The following SNAP91 variants were observed in gnomAD, a reference collection of about 807,000 sequenced individuals.
The protein encoded by SNAP91 is synaptosome associated protein 91.
In SNAP91, 27 loss-of-function variants were observed where a neutral mutation model predicts 100.3. The observed-to-expected ratio is 0.27, with a 90% confidence interval of 0.20 to 0.37. The LOEUF is 0.37. Ranked by LOEUF, SNAP91 falls within the 10% of genes least tolerant of loss-of-function variation. The probability of loss-of-function intolerance (pLI) is 1.00; values close to 1 mark genes in which losing one functional copy is unlikely to be tolerated. For missense variants in SNAP91, 986 were observed against 1,123.7 expected, an observed-to-expected ratio of 0.88 and a Z score of 1.75; for synonymous variants, 404 against 398.6, an observed-to-expected ratio of 1.01 and a Z score of -0.16.
intron 2 of SNAP91, chr6:83,690,558 C>A: frequency 2.5e-6 from 1 of 401,876 alleles, no homozygotes; most frequent in Non-Finnish European, 4.4e-6. Context: ...ACTAACGTAC[C>A]TCTAAAGAAA....
intron 7 of SNAP91, among the ~76,000 whole-genome samples, chr6:83,655,503 G>T (rs1308437856): frequency 6.6e-6 from 1 of 152,210 alleles, no homozygotes; most frequent in Non-Finnish European, 1.5e-5. Flanking sequence ...GTGCTTTGGA[G>T]TAGGGCTATG....
chr6:83,649,831 T>G (rs1382890469), intron 7 of SNAP91, among the ~76,000 whole-genome samples: 1 of 151,886 alleles, frequency 6.6e-6, no homozygotes, highest in Non-Finnish European at 1.5e-5. Flanking sequence ...TCAAGTGATC[T>G]GCCCACCTTG....
At chr6:83,630,195 T>G (rs1053333478) in intron 8 of SNAP91, among the ~76,000 whole-genome samples, 1 of 152,150 alleles carries the variant, frequency 6.6e-6, no homozygotes, top group Non-Finnish European at 1.5e-5. Flanking sequence ...ATCCCTGGTA[T>G]GAAACCCTTG....
At chr6:83,639,651 T>A (rs901787846) in intron 8 of SNAP91, among the ~76,000 whole-genome samples, 1 of 151,914 alleles carries the variant, frequency 6.6e-6, no homozygotes, top group East Asian at 1.9e-4. Flanking sequence ...ACAGAAGGAA[T>A]TGACACATAA....
chr6:83,667,301 AT>A (rs1180464683), intron 2 of SNAP91, among the ~76,000 whole-genome samples: 1 of 151,620 alleles, frequency 6.6e-6, no homozygotes, highest in African/African-American at 2.4e-5. Flanking sequence ...AATATTCACA[AT>A]TTTCTGAAAA....
chr6:83,656,280 T>C (rs1207822789), intron 7 of SNAP91, among the ~76,000 whole-genome samples: 3 of 152,198 alleles, frequency 2.0e-5, no homozygotes, highest in Non-Finnish European at 4.4e-5. Flanking sequence ...AAAAAGGCTC[T>C]TTCTAATCAG....
intron 2 of SNAP91, among the ~76,000 whole-genome samples, chr6:83,677,206 G>A (rs773267377): frequency 2.6e-4 from 39 of 152,166 alleles, no homozygotes; most frequent in Non-Finnish European, 4.1e-4. Flanking sequence ...CCAAAGGGAT[G>A]TCTACTTTCT....
intron 28 of SNAP91, among the ~76,000 whole-genome samples, chr6:83,556,473 T>C (rs1463047701): frequency 6.6e-6 from 1 of 151,802 alleles, no homozygotes; most frequent in East Asian, 1.9e-4. Flanking sequence ...TGAAATCTAC[T>C]TGTTCTACAT....
At chr6:83,647,650 T>C (rs1032872276) in intron 7 of SNAP91, among the ~76,000 whole-genome samples, 11 of 152,156 alleles carry the variant, frequency 7.2e-5, no homozygotes, top group Non-Finnish European at 1.6e-4. Flanking sequence ...TTTCCTTTTC[T>C]TTTTTAATTT....
At chr6:83,687,744 T>TA (rs1333306745) in intron 2 of SNAP91, among the ~76,000 whole-genome samples, 1 of 152,118 alleles carries the variant, frequency 6.6e-6, no homozygotes, top group Non-Finnish European at 1.5e-5. Context: ...GTCGTCCTGG[T>TA]AAGAGATGAT....
At chr6:83,669,270 A>G (rs954141270) in intron 2 of SNAP91, among the ~76,000 whole-genome samples, 7 of 152,124 alleles carry the variant, frequency 4.6e-5, no homozygotes, top group East Asian at 1.9e-4. Flanking sequence ...TAGTTATTAT[A>G]TAAGTTTCTA....
intron 2 of SNAP91, among the ~76,000 whole-genome samples, chr6:83,667,020 C>A: frequency 6.6e-6 from 1 of 152,052 alleles, no homozygotes; most frequent in East Asian, 1.9e-4. Context: ...ATTTATTGAG[C>A]AAAATGTATA....
intron 2 of SNAP91, among the ~76,000 whole-genome samples, chr6:83,671,592 T>C (rs1414393458): frequency 3.9e-5 from 6 of 152,056 alleles, no homozygotes; most frequent in Non-Finnish European, 7.4e-5. Context: ...TATCAGTCTC[T>C]CTTTTTGGTA....
chr6:83,610,380 C>T (rs539841134), intron 12 of SNAP91, among the ~76,000 whole-genome samples: 1 of 151,418 alleles, frequency 6.6e-6, no homozygotes, highest in Non-Finnish European at 1.5e-5. Context: ...TATGCGCTCA[C>T]ATATATGAGG....
chr6:83,707,536 C>CGTGT (rs70987765), intron 2 of SNAP91, among the ~76,000 whole-genome samples: 5,213 of 148,998 alleles, frequency 0.035, 155 homozygotes, highest in African/African-American at 0.084. Context: ...TATACATATG[C>CGTGT]GTGTGTGTGT....
intron 24 of SNAP91, among the ~76,000 whole-genome samples, chr6:83,579,390 T>C (rs2128110149): frequency 6.6e-6 from 1 of 152,232 alleles, no homozygotes; most frequent in East Asian, 1.9e-4. Context: ...TAGGAGGAAA[T>C]ATTCAAATAA....
chr6:83,631,197 TGA>T (rs1366661947), intron 8 of SNAP91, among the ~76,000 whole-genome samples: 3 of 152,178 alleles, frequency 2.0e-5, no homozygotes, highest in African/African-American at 7.2e-5. Context: ...CACTGTGGTC[TGA>T]GAGAGTGCTT....
Position 83,553,419 on chromosome 6 carries a change from T to C in SNAP91, c.*877A>G, listed in dbSNP as rs1253094263. On this transcript the variant is annotated 3_prime_UTR_variant, in exon 30 of 30. Coordinates refer to ENST00000369694, the MANE Select transcript of SNAP91 (RefSeq NM_001242792.2). ...AGTAAAGTAAAGATATTTGCAGTAA[T>C]CTTTAAATTACAGATATACCTTGGG... The C allele has an allele frequency of 6.6e-6, 1 of 152,154 alleles. No individual in the cohort carries two copies. Among genetic ancestry groups the C allele is most frequent in the Admixed American group, 6.6e-5 (1 of 15,264 alleles). The allele number at this position is 152,154 out of a possible 1,614,324, so 9.4% of individuals were successfully genotyped here.
intron 16 of SNAP91, among the ~76,000 whole-genome samples, chr6:83,600,494 T>C (rs1057308856): frequency 1.3e-5 from 2 of 152,184 alleles, no homozygotes; most frequent in African/African-American, 4.8e-5. Context: ...GTGTTTGATA[T>C]GAGAACTTCT....
Sources: gnomAD v4.1 joint callset for allele counts (sites outside exome capture counted in the v4.1 genomes callset) on GRCh38, gnomAD v4.1.1 for gene constraint, MANE v1.5 for transcripts, NCBI Gene and HGNC (gene_info 2026-07-23, HGNC 2026-07-21) for gene names.